Variants in DPP6 observed in about 807,000 individuals in gnomAD.
DPP6 encodes the protein dipeptidyl peptidase like 6.
DPP6 carries 69 observed loss-of-function variants against 122.6 expected under a neutral mutation model. The ratio of observed to expected loss-of-function variants is 0.56; its 90% CI spans 0.46 to 0.69. The LOEUF is 0.69. DPP6 is among the 30% of genes least tolerant of loss of function. DPP6 has a pLI of 0.00. For synonymous variants in DPP6, 418 were observed against 433.1 expected (o/e 0.97, Z 0.43); for missense variants, 928 against 1,116.9 (o/e 0.83, Z 2.41).
intron 7 of DPP6, among the ~76,000 whole-genome samples, chr7:154,714,126 T>G (rs1841348910): frequency 6.6e-6 from 1 of 152,228 alleles, no homozygotes; most frequent in Admixed American, 6.5e-5. Context: ...CACCTCAGCC[T>G]GGACTTCAAT....
At chr7:153,910,261 G>A (rs1230982047) in intron 1 of DPP6, among the ~76,000 whole-genome samples, 4 of 89,896 alleles carry the variant, frequency 4.4e-5, no homozygotes, top group South Asian at 3.0e-4. Flanking sequence ...ATGGAGTCTC[G>A]CTCTGTCACA....
intron 1 of DPP6, among the ~76,000 whole-genome samples, chr7:154,391,662 CCT>C (rs1256116737): frequency 6.6e-6 from 1 of 152,204 alleles, no homozygotes; most frequent in Non-Finnish European, 1.5e-5. Context: ...CTGCTTCTAG[CCT>C]CTCACCAGCT....
intron 3 of DPP6, among the ~76,000 whole-genome samples, chr7:154,532,776 T>G (rs1355041756): frequency 2.3e-4 from 35 of 152,000 alleles, no homozygotes. Flanking sequence ...ATTTTTAAAA[T>G]AAAACAAAAT....
At chr7:153,894,732 C>T (rs909868748) in intron 1 of DPP6, among the ~76,000 whole-genome samples, 1 of 152,134 alleles carries the variant, frequency 6.6e-6, no homozygotes, top group Non-Finnish European at 1.5e-5. Flanking sequence ...ATTCTGATTC[C>T]ACTGCTTCAA....
chr7:154,454,978 C>T (rs1458655399), intron 2 of DPP6, among the ~76,000 whole-genome samples: 1 of 152,104 alleles, frequency 6.6e-6, no homozygotes, highest in Non-Finnish European at 1.5e-5. Flanking sequence ...TTGCAGGTGT[C>T]CGTATTGTTT....
At chr7:154,003,412 TTTAGCCAGGC>T (rs1797772312) in intron 1 of DPP6, among the ~76,000 whole-genome samples, 2 of 152,178 alleles carry the variant, frequency 1.3e-5, no homozygotes, top group Non-Finnish European at 2.9e-5. Context: ...ATTATATCAG[TTTAGCCAGGC>T]TCACAATCAA....
intron 1 of DPP6, among the ~76,000 whole-genome samples, chr7:154,079,756 A>G (rs1184526932): frequency 6.6e-6 from 1 of 151,988 alleles, no homozygotes; most frequent in African/African-American, 2.4e-5. Flanking sequence ...CCTCTGCAGG[A>G]TCCCTGATGC....
chr7:153,933,288 A>G (rs1386259332), intron 1 of DPP6, among the ~76,000 whole-genome samples: 2 of 152,102 alleles, frequency 1.3e-5, no homozygotes, highest in Non-Finnish European at 2.9e-5. Flanking sequence ...GAAAATTTAT[A>G]TTAAATTTGC....
intron 7 of DPP6, among the ~76,000 whole-genome samples, chr7:154,692,448 T>C (rs1470346422): frequency 6.6e-6 from 1 of 152,218 alleles, no homozygotes; most frequent in African/African-American, 2.4e-5. Context: ...TGGTCCTCAC[T>C]GGGGAAGGAC....
intron 5 of DPP6, among the ~76,000 whole-genome samples, chr7:154,629,717 C>T (rs1401675973): frequency 6.6e-6 from 1 of 152,184 alleles, no homozygotes; most frequent in Non-Finnish European, 1.5e-5. Flanking sequence ...CAGAGGACTC[C>T]AGTGGTGCTT....
At chr7:154,620,182 T>C (rs1429135704) in intron 5 of DPP6, among the ~76,000 whole-genome samples, 1 of 152,194 alleles carries the variant, frequency 6.6e-6, no homozygotes, top group Non-Finnish European at 1.5e-5. Context: ...GCTAATTACA[T>C]CAGTATTTTT....
the DPP6 span, among the ~76,000 whole-genome samples, chr7:153,827,645 G>A: frequency 0.072 from 10,985 of 152,058 alleles, 525 homozygotes; most frequent in Non-Finnish European, 0.098. Flanking sequence ...CTAAGACAGC[G>A]GCCACTCTAG....
intron 8 of DPP6, among the ~76,000 whole-genome samples, chr7:154,750,984 G>A (rs145772382): frequency 5.4e-4 from 83 of 152,316 alleles, no homozygotes; most frequent in African/African-American, 1.7e-3. Flanking sequence ...AACTATCTGG[G>A]TCAGAATCCC....
the DPP6 span, among the ~76,000 whole-genome samples, chr7:153,791,853 C>A: frequency 1.3e-5 from 2 of 152,190 alleles, no homozygotes; most frequent in African/African-American, 4.8e-5. Context: ...GAGAGGGAGA[C>A]AAGGCTATTT....
chr7:154,082,846 CTTTTTTTTTTT>C (rs1174987723), intron 1 of DPP6, among the ~76,000 whole-genome samples: 2 of 106,276 alleles, frequency 1.9e-5, no homozygotes, highest in African/African-American at 4.0e-5. Flanking sequence ...TTTTCTTTTT[CTTTTTTTTTTT>C]TTTTTTTTTG....
chr7:153,789,215 G>A, the DPP6 span, among the ~76,000 whole-genome samples: 1 of 152,096 alleles, frequency 6.6e-6, no homozygotes, highest in African/African-American at 2.4e-5. Context: ...TTTTGTAAAT[G>A]TTATAACATA....
At chr7:154,334,186 T>TG (rs1271731015) in intron 1 of DPP6, among the ~76,000 whole-genome samples, 1 of 62,268 alleles carries the variant, frequency 1.6e-5, no homozygotes, top group South Asian at 7.9e-4. Flanking sequence ...ATACAGAAAA[T>TG]GGAAAAAAAA....
the DPP6 span, among the ~76,000 whole-genome samples, chr7:153,817,806 A>G: frequency 6.6e-6 from 1 of 150,904 alleles, no homozygotes; most frequent in Non-Finnish European, 1.5e-5. Context: ...TAGGAGATAT[A>G]CCTAATGCTA....
intron 6 of DPP6, among the ~76,000 whole-genome samples, chr7:154,638,635 C>T (rs564518275): frequency 2.7e-5 from 4 of 149,576 alleles, no homozygotes; most frequent in Admixed American, 1.3e-4. Context: ...GTCCCCCACA[C>T]GACCCTCAGA....
Sources: gnomAD v4.1 joint callset for allele counts (sites outside exome capture counted in the v4.1 genomes callset) on GRCh38, gnomAD v4.1.1 for gene constraint, MANE v1.5 for transcripts, NCBI Gene and HGNC (gene_info 2026-07-23, HGNC 2026-07-21) for gene names.